The following SRBD1 variants were observed in gnomAD, a reference collection of about 807,000 sequenced individuals.
SRBD1 encodes S1 RNA-binding domain-containing protein 1.
A neutral mutation model predicts 115.3 loss-of-function variants in SRBD1; 88 were observed. The observed-to-expected ratio is 0.76, with a 90% CI of 0.64 to 0.91. The LOEUF (loss-of-function observed/expected upper bound fraction) is 0.91. SRBD1 is among the 40% of genes least tolerant of loss of function. SRBD1 has a pLI of 0.00. For missense variants in SRBD1, 1,385 were observed against 1,177.4 expected, an observed-to-expected ratio of 1.18 and a Z score of -2.58; for synonymous variants, 509 against 407.7, an observed-to-expected ratio of 1.25 and a Z score of -2.99.
intron 2 of SRBD1, among the ~76,000 whole-genome samples, chr2:45,604,375 G>A (rs992563090): frequency 6.8e-6 from 1 of 147,622 alleles, no homozygotes; most frequent in African/African-American, 2.5e-5. Flanking sequence ...ACAGGGAGGG[G>A]AGAGGGGAAG....
chr2:45,480,396 T>G (rs1275491456), intron 15 of SRBD1, among the ~76,000 whole-genome samples: 1 of 152,168 alleles, frequency 6.6e-6, no homozygotes, highest in African/African-American at 2.4e-5. Context: ...GGAGGGCAAA[T>G]GTCAACATTA....
chr2:45,520,819 G>A (rs1021511859), intron 14 of SRBD1, among the ~76,000 whole-genome samples: 1 of 152,118 alleles, frequency 6.6e-6, no homozygotes, highest in African/African-American at 2.4e-5. Context: ...CCATCCATCT[G>A]GCTGAAAGCC....
chr2:45,603,509 G>A (rs1427540354), intron 2 of SRBD1, among the ~76,000 whole-genome samples: 2 of 152,016 alleles, frequency 1.3e-5, no homozygotes, highest in African/African-American at 2.4e-5. Context: ...GTATTTTCTC[G>A]ATACAGGAAT....
At chr2:45,487,941 C>T (rs867856462) in intron 15 of SRBD1, among the ~76,000 whole-genome samples, 1 of 152,114 alleles carries the variant, frequency 6.6e-6, no homozygotes, top group Non-Finnish European at 1.5e-5. Context: ...TTTGAGCCAC[C>T]GCACCCGGCC....
At chr2:45,552,319 CTGAAA>C (rs1157254126) in intron 11 of SRBD1, among the ~76,000 whole-genome samples, 1 of 152,122 alleles carries the variant, frequency 6.6e-6, no homozygotes, top group Non-Finnish European at 1.5e-5. Context: ...AACTTATAAA[CTGAAA>C]TAAGTTATAT....
intron 16 of SRBD1, chr2:45,447,227 G>C (rs887377117): frequency 6.6e-6 from 1 of 152,218 alleles, no homozygotes; most frequent in Non-Finnish European, 1.5e-5. Context: ...GAGGCAGGTG[G>C]ATCACGAGGT....
chr2:45,553,853 CAT>C (rs1342115133), intron 10 of SRBD1, 123 bp from the exon 11 acceptor site: 17 of 488,002 alleles, frequency 3.5e-5, no homozygotes, highest in Admixed American at 3.1e-4. Context: ...GCCAAAGTAA[CAT>C]AATCTGTGAG....
intron 18 of SRBD1, among the ~76,000 whole-genome samples, chr2:45,414,616 TAC>T (rs199657103): frequency 1.4e-3 from 183 of 127,036 alleles, no homozygotes; most frequent in African/African-American, 5.3e-3. Context: ...ATAGTGTGTG[TAC>T]ACACATAGTG....
intron 16 of SRBD1, among the ~76,000 whole-genome samples, chr2:45,423,536 T>C (rs1017231964): frequency 6.6e-6 from 1 of 152,020 alleles, no homozygotes; most frequent in Non-Finnish European, 1.5e-5. Context: ...AACAAACCTA[T>C]AAGTACAGTC....
At chr2:45,392,585 T>C (rs1037413719) in intron 20 of SRBD1, among the ~76,000 whole-genome samples, 1 of 152,238 alleles carries the variant, frequency 6.6e-6, no homozygotes, top group African/African-American at 2.4e-5. Flanking sequence ...CCTTTTAGCT[T>C]GTGAAGGGAC....
chr2:45,469,337 T>A (rs1669581023), intron 16 of SRBD1, among the ~76,000 whole-genome samples: 1 of 152,188 alleles, frequency 6.6e-6, no homozygotes, highest in Non-Finnish European at 1.5e-5. Flanking sequence ...CAGTGATTTC[T>A]GTGCTAACAC....
chr2:45,482,417 C>T (rs1033802192), intron 15 of SRBD1, among the ~76,000 whole-genome samples: 1 of 151,958 alleles, frequency 6.6e-6, no homozygotes, highest in Non-Finnish European at 1.5e-5. Context: ...AAAATTGATG[C>T]TTCTACCATA....
intron 16 of SRBD1, 49 bp downstream of exon 16, chr2:45,476,944 C>T (rs1278976068): frequency 1.3e-6 from 2 of 1,538,902 alleles, no homozygotes; most frequent in Non-Finnish European, 1.8e-6. Context: ...TTGAGTACTG[C>T]TCCTTGTATT....
chr2:45,459,717 A>G lies in SRBD1; in HGVS notation c.2049+17276T>C, dbSNP rs372808806. On this transcript the variant is annotated intron_variant, in intron 16 of 20. Coordinates refer to ENST00000263736, the MANE Select transcript of SRBD1 (RefSeq NM_018079.5). The stretch of plus-strand genomic sequence containing the variant: ...TCCCTTTAACACTCCTTCAGAAAAC[A>G]TATCGGTATCCTTATCTTATTTTCC... Among the ~76,000 whole-genome samples, 10 of 152,248 alleles carry G rather than the reference A, an allele frequency of 6.6e-5. No individual in the cohort carries two copies. The East Asian group carries it at 1.7e-3, about 26-fold the overall frequency.
At chr2:45,549,755 C>T (rs1224233770) in intron 12 of SRBD1, among the ~76,000 whole-genome samples, 1 of 148,510 alleles carries the variant, frequency 6.7e-6, no homozygotes, top group Non-Finnish European at 1.5e-5. Flanking sequence ...CCCAGCTACT[C>T]GGGAGGCTGA....
At chr2:45,507,026 G>A (rs1422642237) in intron 14 of SRBD1, among the ~76,000 whole-genome samples, 2 of 152,038 alleles carry the variant, frequency 1.3e-5, no homozygotes, top group Non-Finnish European at 2.9e-5. Context: ...CATTAATATG[G>A]ATAAAAACCA....
chr2:45,527,185 G>A (rs888504790), intron 14 of SRBD1, among the ~76,000 whole-genome samples: 2 of 151,866 alleles, frequency 1.3e-5, no homozygotes, highest in South Asian at 2.1e-4. Context: ...CATTATGTGT[G>A]GGGGAGGGGG....
intron 2 of SRBD1, 93 bp from the exon 3 acceptor site, chr2:45,602,176 G>C (rs1674115399): frequency 1.4e-6 from 2 of 1,399,808 alleles, no homozygotes; most frequent in Admixed American, 2.3e-5. Flanking sequence ...AAATGATAAA[G>C]TAGGAGGTGT....
intron 19 of SRBD1, among the ~76,000 whole-genome samples, chr2:45,408,680 A>G (rs914487075): frequency 1.3e-5 from 2 of 152,218 alleles, no homozygotes; most frequent in Admixed American, 1.3e-4. Flanking sequence ...CAAGAGCCAC[A>G]AAGACTTTTA....
Sources: allele counts gnomAD v4.1 joint callset (sites outside exome capture counted in the v4.1 genomes callset), GRCh38; gene constraint gnomAD v4.1.1; transcripts MANE v1.5; gene names NCBI Gene and HGNC (gene_info 2026-07-23, HGNC 2026-07-21).